The following CDH4 variants were observed in gnomAD, a reference collection of about 807,000 sequenced individuals.
The protein encoded by CDH4 is cadherin-4.
A neutral mutation model predicts 86.0 loss-of-function variants in CDH4; 33 were observed. That is an observed-to-expected ratio of 0.38 (90% confidence interval 0.29 to 0.51). CDH4 has a LOEUF of 0.51. Ranked by LOEUF, CDH4 falls within the 20% of genes least tolerant of loss-of-function variation. The pLI is 0.86. For synonymous variants in CDH4, 555 were observed against 549.4 expected, an observed-to-expected ratio of 1.01 and a Z score of -0.14; for missense variants, 1,114 against 1,307.4, an observed-to-expected ratio of 0.85 and a Z score of 2.28.
At chr20:61,607,515 G>A (rs1300054538) in intron 2 of CDH4, among the ~76,000 whole-genome samples, 1 of 152,176 alleles carries the variant, frequency 6.6e-6, no homozygotes, top group Admixed American at 6.5e-5. Context: ...GGAACATGAG[G>A]CTGAAATGGT....
At position 61,620,334 on chromosome 20, in the gene CDH4, A is replaced by ATG. The variant is rs1360523627; in HGVS notation, c.170-123229_170-123228insTG. Among the ~76,000 whole-genome samples the ATG allele has an allele frequency of 1.3e-3, 189 of 150,972 alleles. 1 individual carries two copies. Among genetic ancestry groups the ATG allele is most frequent in the East Asian group, 7.0e-3 (36 of 5,130 alleles). On this transcript the variant is annotated intron_variant, in intron 2 of 15. Coordinates refer to ENST00000614565, the MANE Select transcript of CDH4 (RefSeq NM_001794.5). ...TAGGTAGGTAGATGGATGGATGGATAGATGGATGGATAGATAGATGATGAT... is the reference window on the plus strand; with the variant it reads ...TAGGTAGGTAGATGGATGGATGGATATGGATGGATGGATAGATAGATGATGAT...
chr20:61,599,169 A>G (rs1025039274), intron 2 of CDH4, among the ~76,000 whole-genome samples: 2 of 152,090 alleles, frequency 1.3e-5, no homozygotes, highest in Middle Eastern at 3.2e-3. Flanking sequence ...TCGCTCTTGG[A>G]GAGCTGGCTT....
chr20:61,589,192 T>C (rs374966110), intron 2 of CDH4, among the ~76,000 whole-genome samples: 7 of 152,342 alleles, frequency 4.6e-5, no homozygotes, highest in African/African-American at 1.7e-4. Flanking sequence ...TGATTAACTT[T>C]TGCCAAATAG....
intron 2 of CDH4, among the ~76,000 whole-genome samples, chr20:61,445,524 C>T (rs1248004957): frequency 6.6e-6 from 1 of 152,140 alleles, no homozygotes; most frequent in Non-Finnish European, 1.5e-5. Flanking sequence ...ACCAATGCCC[C>T]TCAAACCTCC....
At chr20:61,253,985 C>T (rs992986573) in intron 1 of CDH4, among the ~76,000 whole-genome samples, 8 of 152,214 alleles carry the variant, frequency 5.3e-5, no homozygotes, top group African/African-American at 1.9e-4. Context: ...CTCCCTCCAC[C>T]ACCTCCTCCT....
intron 9 of CDH4, among the ~76,000 whole-genome samples, chr20:61,914,276 C>A (rs1398252066): frequency 2.0e-5 from 3 of 152,224 alleles, no homozygotes; most frequent in African/African-American, 7.2e-5. Flanking sequence ...CACACCTACC[C>A]CGGCTTCTGT....
At chr20:61,551,908 C>T (rs1481150895) in intron 2 of CDH4, among the ~76,000 whole-genome samples, 3 of 152,192 alleles carry the variant, frequency 2.0e-5, no homozygotes, top group African/African-American at 7.2e-5. Context: ...ACAAATTGTG[C>T]TGGGACAGCT....
At chr20:61,338,257 A>G (rs1353936395) in intron 2 of CDH4, among the ~76,000 whole-genome samples, 1 of 152,024 alleles carries the variant, frequency 6.6e-6, no homozygotes, top group African/African-American at 2.4e-5. Flanking sequence ...TTATCAAGGT[A>G]CTTTAACTTG....
intron 2 of CDH4, among the ~76,000 whole-genome samples, chr20:61,636,148 G>A (rs556281190): frequency 2.6e-5 from 4 of 152,158 alleles, no homozygotes; most frequent in African/African-American, 7.2e-5. Flanking sequence ...AGCTTGCCCC[G>A]CCCTTCCTTT....
intron 2 of CDH4, among the ~76,000 whole-genome samples, chr20:61,400,670 CT>C (rs1257556204): frequency 3.9e-5 from 6 of 152,204 alleles, no homozygotes; most frequent in Non-Finnish European, 5.9e-5. Flanking sequence ...GATGAGCCCC[CT>C]GGGAGCAGTC....
chr20:61,727,206 C>T (rs906098586), intron 2 of CDH4, among the ~76,000 whole-genome samples: 2 of 152,038 alleles, frequency 1.3e-5, no homozygotes, highest in Non-Finnish European at 2.9e-5. Flanking sequence ...TCATCATCTT[C>T]ACCACCGGAG....
chr20:61,805,419 C>T (rs953995690), intron 4 of CDH4, among the ~76,000 whole-genome samples: 3 of 152,226 alleles, frequency 2.0e-5, no homozygotes, highest in Admixed American at 6.5e-5. Flanking sequence ...CAGAGCCACA[C>T]CCGAGCCCCA....
At chr20:61,770,483 C>T (rs751202043) in intron 3 of CDH4, among the ~76,000 whole-genome samples, 10 of 152,262 alleles carry the variant, frequency 6.6e-5, no homozygotes, top group Admixed American at 1.3e-4. Flanking sequence ...GCCATGTGGG[C>T]ACCCTGCACT....
At chr20:61,667,310 C>A (rs1210933110) in intron 2 of CDH4, among the ~76,000 whole-genome samples, 1 of 152,204 alleles carries the variant, frequency 6.6e-6, no homozygotes, top group Non-Finnish European at 1.5e-5. Context: ...CCCGCCCACC[C>A]TGGGGCTCCG....
At chr20:61,354,184 C>T (rs1041960445) in intron 2 of CDH4, among the ~76,000 whole-genome samples, 1 of 152,104 alleles carries the variant, frequency 6.6e-6, no homozygotes, top group African/African-American at 2.4e-5. Flanking sequence ...CCCCCACCCC[C>T]CAGAGGCCCA....
rs1368384295 is a variant in CDH4, at chr20:61,517,733, G to A, written c.170-225830G>A. 1.3e-5 allele frequency among the ~76,000 whole-genome samples: 2 copies of A among 152,176 alleles called. No individual in the cohort carries two copies. Among genetic ancestry groups the A allele is most frequent in the African/African-American group, 4.8e-5 (2 of 41,448 alleles). ...TCAGGACAGGAACAGCACACTCAAG[G>A]TCACCATTCGTCTTATTCTTGTCAG... On this transcript the variant is annotated intron_variant, in intron 2 of 15. Coordinates refer to ENST00000614565, the MANE Select transcript of CDH4 (RefSeq NM_001794.5). This position sits in a 1 kb window ranked among gnomAD's most constrained non-coding sequence, Gnocchi z 6.6.
In CDH4 at chr20:61,703,880, G is replaced by A. The variant is rs1269875783; in HGVS notation, c.170-39683G>A. The stretch of plus-strand genomic sequence containing the variant: ...GTATTTTCATTTGGAAATATTAATT[G>A]TGACCTTTCAGAACTCCCAATTAAA... On this transcript the variant is annotated intron_variant, in intron 2 of 15. Transcript: ENST00000614565. The surrounding 1 kb of genome is among the most constrained non-coding windows in gnomAD (Gnocchi z 4.3). Among the ~76,000 whole-genome samples, 5 of 152,136 alleles carry A rather than the reference G, an allele frequency of 3.3e-5. No homozygotes were observed. The highest frequency in any genetic ancestry group is 1.2e-4 in the African/African-American group (5 of 41,418).
chr20:61,836,383 G>C (rs1410431782), intron 4 of CDH4, among the ~76,000 whole-genome samples: 1 of 152,192 alleles, frequency 6.6e-6, no homozygotes, highest in African/African-American at 2.4e-5. Context: ...GGGCAGATCT[G>C]TGAGAACATA....
chr20:61,271,547 G>A (rs998915876), intron 2 of CDH4, among the ~76,000 whole-genome samples: 3 of 152,216 alleles, frequency 2.0e-5, no homozygotes, highest in Non-Finnish European at 2.9e-5. Flanking sequence ...GCCACAGGCC[G>A]TGGCTTTGCA....
Sources: allele counts gnomAD v4.1 joint callset (sites outside exome capture counted in the v4.1 genomes callset), GRCh38; gene constraint gnomAD v4.1.1; non-coding constraint Gnocchi (gnomAD v3.1); transcripts MANE v1.5; gene names NCBI Gene and HGNC (gene_info 2026-07-23, HGNC 2026-07-21).